PTPRK: variants seen among roughly 807,000 people sequenced by gnomAD.
PTPRK encodes protein tyrosine phosphatase receptor type K.
A neutral mutation model predicts 178.0 loss-of-function variants in PTPRK; 75 were observed. That is an observed-to-expected ratio of 0.42 (90% CI 0.35 to 0.51). PTPRK has a LOEUF of 0.51. Among genes scored for constraint, PTPRK ranks in the 20% least tolerant of loss-of-function variants. The probability of loss-of-function intolerance (pLI) is 0.02; values close to 1 mark genes in which losing one functional copy is unlikely to be tolerated. For synonymous variants in PTPRK, 637 were observed against 620.6 expected (o/e 1.03, Z -0.39); for missense variants, 1,441 against 1,797.8 (o/e 0.80, Z 3.59).
intron 13 of PTPRK, among the ~76,000 whole-genome samples, chr6:128,012,687 T>A (rs1583640808): frequency 6.6e-6 from 1 of 151,424 alleles, no homozygotes; most frequent in East Asian, 1.9e-4. Flanking sequence ...CTTGATCAAT[T>A]GTGTCCTTGC....
chr6:128,350,062 A>G (rs1185018265), intron 2 of PTPRK, among the ~76,000 whole-genome samples: 1 of 152,134 alleles, frequency 6.6e-6, no homozygotes. Context: ...TACTAAGAAA[A>G]CTATGTACTA....
At chr6:128,401,430 C>T (rs946048618) in intron 1 of PTPRK, among the ~76,000 whole-genome samples, 5 of 152,044 alleles carry the variant, frequency 3.3e-5, no homozygotes, top group African/African-American at 7.2e-5. Context: ...TGAGAGAACA[C>T]GGAACCAGAG....
intron 3 of PTPRK, among the ~76,000 whole-genome samples, chr6:128,311,202 G>C (rs543984393): frequency 1.3e-5 from 2 of 152,270 alleles, no homozygotes; most frequent in South Asian, 4.1e-4. Flanking sequence ...GCTTTCCACA[G>C]GTCATCATCT....
At chr6:128,403,334 T>A (rs946397961) in intron 1 of PTPRK, among the ~76,000 whole-genome samples, 1 of 152,232 alleles carries the variant, frequency 6.6e-6, no homozygotes, top group African/African-American at 2.4e-5. Context: ...TTAAAATCCC[T>A]TATACATCTA....
Position 128,156,868 on chromosome 6 carries a change from T to C in PTPRK, c.1162+27564A>G, listed in dbSNP as rs1197050955. Among the ~76,000 whole-genome samples, 4 of 152,024 alleles carry C rather than the reference T, an allele frequency of 2.6e-5. No individual in the cohort carries two copies. In the East Asian group the frequency reaches 5.8e-4, roughly 22 times the overall value. On this transcript the variant is annotated intron_variant, in intron 7 of 29. Transcript: ENST00000368226. Reference sequence around the variant, plus strand: ...CTGTCACACTGGCAGTATAGCATCATGTTTAAGAACACGATTTGTAAAGTC... The same window carrying C: ...CTGTCACACTGGCAGTATAGCATCACGTTTAAGAACACGATTTGTAAAGTC...
chr6:128,312,968 G>A (rs559297401), intron 3 of PTPRK, among the ~76,000 whole-genome samples: 35 of 152,106 alleles, frequency 2.3e-4, no homozygotes, highest in Middle Eastern at 3.4e-3. Flanking sequence ...TAATATTAAA[G>A]AATAAGTCCC....
chr6:128,069,905 C>T (rs1047266250), intron 11 of PTPRK, among the ~76,000 whole-genome samples: 2 of 152,030 alleles, frequency 1.3e-5, no homozygotes, highest in African/African-American at 4.8e-5. Context: ...GCAATAGGCT[C>T]TTTGGGAAAG....
At chr6:128,352,692 T>C (rs1304805540) in intron 2 of PTPRK, among the ~76,000 whole-genome samples, 2 of 152,184 alleles carry the variant, frequency 1.3e-5, no homozygotes, top group Non-Finnish European at 2.9e-5. Context: ...CTCTTATTCA[T>C]AGACAGATCC....
At chr6:128,368,296 C>T (rs1204242205) in intron 2 of PTPRK, among the ~76,000 whole-genome samples, 4 of 151,836 alleles carry the variant, frequency 2.6e-5, no homozygotes, top group Admixed American at 2.0e-4. Flanking sequence ...TCAACACTTA[C>T]TCTATTTAAA....
chr6:128,377,369 G>A (rs1398981704), intron 2 of PTPRK, among the ~76,000 whole-genome samples: 1 of 151,986 alleles, frequency 6.6e-6, no homozygotes, highest in Non-Finnish European at 1.5e-5. Context: ...AAAACCATCA[G>A]ATCTCGTAAG....
chr6:128,483,717 C>T (rs1214352610), intron 1 of PTPRK, among the ~76,000 whole-genome samples: 2 of 152,132 alleles, frequency 1.3e-5, no homozygotes. Flanking sequence ...ACGAACCAAC[C>T]TGTCCCAAAT....
At chr6:128,346,504 T>C (rs1483533501) in intron 2 of PTPRK, among the ~76,000 whole-genome samples, 1 of 152,112 alleles carries the variant, frequency 6.6e-6, no homozygotes, top group Non-Finnish European at 1.5e-5. Context: ...ATCTAAAATA[T>C]TTTATATATT....
chr6:128,378,798 A>G (rs1413976420), intron 2 of PTPRK, among the ~76,000 whole-genome samples: 1 of 151,910 alleles, frequency 6.6e-6, no homozygotes, highest in African/African-American at 2.4e-5. Context: ...GCTTTCATCT[A>G]TTTTCTTCTT....
At chr6:128,457,681 T>C (rs1431498347) in intron 1 of PTPRK, among the ~76,000 whole-genome samples, 2 of 152,174 alleles carry the variant, frequency 1.3e-5, no homozygotes, top group Non-Finnish European at 2.9e-5. Context: ...CTAAGCTGAA[T>C]TAATAGTCAT....
At chr6:128,098,978 T>C (rs112529672) in intron 7 of PTPRK, among the ~76,000 whole-genome samples, 1,661 of 152,026 alleles carry the variant, frequency 0.011, 23 homozygotes, top group African/African-American at 0.038. Context: ...ATTGGAATAA[T>C]AATTCTATAA....
intron 5 of PTPRK, 92 bp from the exon 6 acceptor site, chr6:128,219,188 T>G (rs1268432353): frequency 3.3e-6 from 4 of 1,228,842 alleles, no homozygotes; most frequent in African/African-American, 3.1e-5. Flanking sequence ...GATAAATTAT[T>G]CTTGTTGCAA....
At chr6:128,486,804 GGAAGGAAGGAAGGAAA>G (rs1852976606) in intron 1 of PTPRK, among the ~76,000 whole-genome samples, 5 of 149,548 alleles carry the variant, frequency 3.3e-5, no homozygotes, top group South Asian at 2.1e-4. Flanking sequence ...AAGACAGAAA[GGAAGGAAGGAAGGAAA>G]GAAGGAAGGA....
intron 7 of PTPRK, among the ~76,000 whole-genome samples, chr6:128,126,154 C>T (rs1184840989): frequency 6.6e-6 from 1 of 151,676 alleles, no homozygotes; most frequent in Non-Finnish European, 1.5e-5. Context: ...CACCTATCAA[C>T]CCGTCATCTA....
intron 15 of PTPRK, among the ~76,000 whole-genome samples, chr6:128,004,304 T>C (rs889075341): frequency 6.6e-6 from 1 of 151,834 alleles, no homozygotes; most frequent in Non-Finnish European, 1.5e-5. Flanking sequence ...CAATTTCACT[T>C]AAATTTAATT....
Sources: allele counts gnomAD v4.1 joint callset (sites outside exome capture counted in the v4.1 genomes callset), GRCh38; gene constraint gnomAD v4.1.1; transcripts MANE v1.5; gene names NCBI Gene and HGNC (gene_info 2026-07-23, HGNC 2026-07-21).